Variants in BTN3A3 observed in about 807,000 individuals in gnomAD.
BTN3A3 encodes butyrophilin 3.
BTN3A3 carries 39 observed loss-of-function variants against 43.2 expected under a neutral mutation model. That is an observed-to-expected ratio of 0.90 (90% CI 0.70 to 1.18). BTN3A3 has a LOEUF of 1.18. BTN3A3 is among the 50% of genes most tolerant of loss of function. The pLI is 0.00. For missense variants in BTN3A3, 631 were observed against 722.8 expected (o/e 0.87, Z 1.46); for synonymous variants, 255 against 272.7 (o/e 0.93, Z 0.64).
chr6:26,448,538 AGTTTAAG>A, intron 6 of BTN3A3, 72 bp from the exon 7 acceptor site: 1 of 1,611,386 alleles, frequency 6.2e-7, no homozygotes, highest in Non-Finnish European at 8.5e-7. Flanking sequence ...CACTGCATCA[AGTTTAAG>A]GTTTATTTTC....
chr6:26,444,151 C>T lies in BTN3A3; in HGVS notation c.280C>T (p.Arg94Ter), dbSNP rs376234984. 27 of 1,612,166 alleles carry T rather than the reference C, an allele frequency of 1.7e-5. No homozygotes were observed. Among genetic ancestry groups the T allele is most frequent in the African/African-American group, 1.6e-4 (12 of 74,840 alleles). The change falls in exon 4 of 11, where the codon CGA (arginine) becomes TGA (stop). Residue 94 changes from arginine (R) to a stop codon, truncating the protein, a stop_gained. Coordinates refer to ENST00000244519, the MANE Select transcript of BTN3A3 (RefSeq NM_006994.5). LOFTEE classifies it high-confidence loss of function. ...EVEDRQSAPY[R>*]GRTSILRDGI... ...GGAAGACAGGCAGAGTGCACCGTAT[C>T]GAGGGAGAACTTCGATTCTGCGGGA...
rs182718090 is a variant in BTN3A3, at chr6:26,442,063, G to A, written c.-66-1319G>A. Among the ~76,000 whole-genome samples the A allele has an allele frequency of 1.2e-3, 188 of 152,300 alleles. 1 individual carries two copies. Among genetic ancestry groups the A allele is most frequent in the Middle Eastern group, 3.4e-3 (1 of 294 alleles). ...GTCTGGGTCAGTGCAAGATCCAGGC[G>A]AGGGTGGAGGATGGCCGGCTGCACA... is the stretch of plus-strand genomic sequence containing the variant. On this transcript the variant is annotated intron_variant, in intron 1 of 10. Coordinates refer to ENST00000244519, the MANE Select transcript of BTN3A3 (RefSeq NM_006994.5).
In BTN3A3 at chr6:26,448,232, G is replaced by A. The variant is rs1424619730; in HGVS notation, c.716-16G>A. ...AGTGCACTAGCTCCCATGACCCACAGCTCTCCCCTTCGCAGACCCCTTCTT... is the reference window on the plus strand; with the variant it reads ...AGTGCACTAGCTCCCATGACCCACAACTCTCCCCTTCGCAGACCCCTTCTT... On this transcript the variant is annotated splice_polypyrimidine_tract_variant and intron_variant, in intron 5 of 10. Coordinates refer to ENST00000244519, the MANE Select transcript of BTN3A3 (RefSeq NM_006994.5). 6.2e-7 allele frequency: 1 copy of A among 1,612,186 alleles called. No individual in the cohort carries two copies. Among genetic ancestry groups the A allele is most frequent in the African/African-American group, 1.3e-5 (1 of 74,904 alleles).
Position 26,448,651 on chromosome 6 carries a change from C to T in BTN3A3, c.937+14C>T, listed in dbSNP as rs372791797. 1.0e-4 allele frequency: 169 copies of T among 1,613,854 alleles called. No homozygotes were observed. The highest frequency in any genetic ancestry group is 1.4e-4 in the Non-Finnish European group (164 of 1,179,996). ...AGGAGGAACTCAGTAAGTTCCCATT[C>T]CCCAGGAGACCCAGGCATGTCTTCT... On this transcript the variant is annotated intron_variant, in intron 7 of 10. Transcript: ENST00000244519.
chr6:26,448,411 G>T lies in BTN3A3; in HGVS notation c.879G>T (p.Met293Ile), dbSNP rs990543562. The change falls in exon 6 of 11, where the codon ATG becomes ATT. Residue 293 changes from methionine to isoleucine, a missense_variant. This residue lies in a region of BTN3A3 where 551 missense variants were observed against 584.0 expected (regional missense o/e 0.94). Coordinates refer to ENST00000244519, the MANE Select transcript of BTN3A3 (RefSeq NM_006994.5). Reference sequence around the variant, plus strand: ...AAAGAGAGCGAGAGATGAAAGAAATGGGATACGCTGCAACAGAGCAAGAAA... The same window carrying T: ...AAAGAGAGCGAGAGATGAAAGAAATTGGATACGCTGCAACAGAGCAAGAAA... ...ETEREREMKE[M>I]GYAATEQEIS... 3 of 1,613,736 alleles carry T rather than the reference G, an allele frequency of 1.9e-6. No individual in the cohort carries two copies. The highest frequency in any genetic ancestry group is 1.7e-6 in the Non-Finnish European group (2 of 1,179,978).
At chr6:26,446,687 G>C (rs892994902) in intron 5 of BTN3A3, among the ~76,000 whole-genome samples, 5 of 152,170 alleles carry the variant, frequency 3.3e-5, no homozygotes, top group Non-Finnish European at 5.9e-5. Context: ...GCATTTGTAT[G>C]AGATGATCCA....
At position 26,448,231 on chromosome 6, in the gene BTN3A3, A is replaced by T. The variant is rs764039554; in HGVS notation, c.716-17A>T. On this transcript the variant is annotated splice_polypyrimidine_tract_variant and intron_variant, in intron 5 of 10. Coordinates refer to ENST00000244519, the MANE Select transcript of BTN3A3 (RefSeq NM_006994.5). ...GAGTGCACTAGCTCCCATGACCCACAGCTCTCCCCTTCGCAGACCCCTTCT... is the reference window on the plus strand; with the variant it reads ...GAGTGCACTAGCTCCCATGACCCACTGCTCTCCCCTTCGCAGACCCCTTCT... 24 of 1,611,424 alleles carry T rather than the reference A, an allele frequency of 1.5e-5. No homozygotes were observed. In the East Asian group the frequency reaches 5.1e-4, roughly 34 times the overall value.
chr6:26,446,896 T>C (rs1418929906), intron 5 of BTN3A3, among the ~76,000 whole-genome samples: 1 of 152,062 alleles, frequency 6.6e-6, no homozygotes, highest in African/African-American at 2.4e-5. Flanking sequence ...ACCTGGATAA[T>C]TTTTATATTT....
At position 26,452,471 on chromosome 6, in the gene BTN3A3, C is replaced by A; in HGVS notation, c.*60C>A. Reference sequence around the variant, plus strand: ...GAGTTTCGTACCACCTTATTGTCCCCTTATACAGATAAGGAAACTGGGGTG... The same window carrying A: ...GAGTTTCGTACCACCTTATTGTCCCATTATACAGATAAGGAAACTGGGGTG... On this transcript the variant is annotated 3_prime_UTR_variant, in exon 11 of 11. Transcript: ENST00000244519. 1.4e-6 allele frequency: 2 copies of A among 1,413,066 alleles called. No individual in the cohort carries two copies. Among genetic ancestry groups the A allele is most frequent in the South Asian group, 1.4e-5 (1 of 70,316 alleles). The allele number at this position is 1,413,066 out of a possible 1,614,324, so 87.5% of individuals were successfully genotyped here. A position where few individuals can be genotyped will look rare whatever the true frequency, so the allele number is the denominator to read the frequency against.
chr6:26,449,770 C>T (rs146611609), intron 9 of BTN3A3, 82 bp downstream of exon 9: 60 of 1,532,302 alleles, frequency 3.9e-5, no homozygotes, highest in Admixed American at 1.5e-4. Flanking sequence ...GACCCATTGA[C>T]GTTCTCAGTT....
chr6:26,441,250 A>G (rs1762627736), intron 1 of BTN3A3, among the ~76,000 whole-genome samples: 1 of 152,198 alleles, frequency 6.6e-6, no homozygotes, highest in South Asian at 2.1e-4. Flanking sequence ...TTTTAACAGC[A>G]TTAGATCCAT....
rs1208409465 is a variant in BTN3A3 at position 26,440,566 on chromosome 6, G to A, written c.-149G>A. 1.3e-5 allele frequency: 2 copies of A among 152,202 alleles called. No individual in the cohort carries two copies. The highest frequency in any genetic ancestry group is 1.3e-4 in the Admixed American group (2 of 15,282). 9.4% of individuals were successfully genotyped at this position (152,202 alleles called of 1,614,324 possible). On this transcript the variant is annotated 5_prime_UTR_variant, in exon 1 of 11. Transcript: ENST00000244519. ...TCTTTTTCCTTTCTTCGGAATGAGA[G>A]ACTCAACCATAATAGAAAGAATGGA...
At chr6:26,447,583 G>A (rs1036473538) in intron 5 of BTN3A3, among the ~76,000 whole-genome samples, 1 of 152,090 alleles carries the variant, frequency 6.6e-6, no homozygotes, top group Non-Finnish European at 1.5e-5. Flanking sequence ...AGCTGGTCTC[G>A]ACCTCCTGAC....
At position 26,452,376 on chromosome 6, in the gene BTN3A3, C is replaced by A. The variant is rs556404565; in HGVS notation, c.1720C>A (p.His574Asn). 2.5e-6 allele frequency: 4 copies of A among 1,606,864 alleles called. No individual in the cohort carries two copies. Among genetic ancestry groups the A allele is most frequent in the Non-Finnish European group, 3.4e-6 (4 of 1,179,888 alleles). The part of the protein sequence containing the change: ...VSPSATTNQN[H>N]KLQARTEALY ...CCCTTCTGCAACAACCAATCAGAAC[C>A]ATAAGCTACAGGCACGCACTGAAGC... Residue 574 changes from histidine to asparagine, a missense_variant, in exon 11 of 11, where the codon CAT becomes AAT. Coordinates refer to ENST00000244519, the MANE Select transcript of BTN3A3 (RefSeq NM_006994.5).
chr6:26,451,972 G>C lies in BTN3A3; in HGVS notation c.1316G>C (p.Gly439Ala). 6.2e-7 allele frequency: 1 copy of C among 1,614,106 alleles called. No homozygotes were observed. Among genetic ancestry groups the C allele is most frequent in the Non-Finnish European group, 8.5e-7 (1 of 1,180,012 alleles). Residue 439 changes from glycine (G) to alanine (A), a missense_variant, in exon 11 of 11, where the codon GGG becomes GCG. Gly to Ala is a moderately conservative substitution (Grantham distance 60). Coordinates refer to ENST00000244519, the MANE Select transcript of BTN3A3 (RefSeq NM_006994.5). ...NGYWTMGLTDGNKYRALTEPR... is the reference protein window; with the variant it reads ...NGYWTMGLTDANKYRALTEPR... ...TACTGGACTATGGGCCTGACTGATG[G>C]GAATAAGTATCGGGCTCTCACTGAG...
rs41266843 is a variant in BTN3A3, at chr6:26,448,250, C to T, written c.718C>T (p.Pro240Ser). Residue 240 changes from proline (P) to serine (S), a missense_variant and splice_region_variant, in exon 6 of 11, where the codon CCC becomes TCC. By Grantham distance (74) the Pro-to-Ser change is moderately conservative. Around this residue, in one of 2 missense-constraint regions of BTN3A3, gnomAD observed 551 missense variants for 584.0 expected, o/e 0.94. Coordinates refer to ENST00000244519, the MANE Select transcript of BTN3A3 (RefSeq NM_006994.5). ...EKTASISIAD[P>S]FFRSAQPWIA... is the part of the protein sequence containing the mutation. ...ACCCACAGCTCTCCCCTTCGCAGAC[C>T]CCTTCTTCAGGAGCGCCCAGCCCTG... is the stretch of plus-strand genomic sequence containing the variant. 4.3e-6 allele frequency: 7 copies of T among 1,613,144 alleles called. No homozygotes were observed. The highest frequency in any genetic ancestry group is 5.9e-6 in the Non-Finnish European group (7 of 1,179,864).
At chr6:26,450,370 A>G in intron 10 of BTN3A3, among the ~76,000 whole-genome samples, 1 of 152,122 alleles carries the variant, frequency 6.6e-6, no homozygotes, top group East Asian at 1.9e-4. Flanking sequence ...CTGGGAAGGA[A>G]GACACATAAA....
chr6:26,448,685 C>G (rs750756961), intron 7 of BTN3A3, 43 bp from the exon 8 acceptor site: 2 of 1,613,944 alleles, frequency 1.2e-6, no homozygotes, highest in East Asian at 4.5e-5. Context: ...CTTATCCCCA[C>G]TTTGAGCACC....
chr6:26,445,878 C>T lies in BTN3A3; in HGVS notation c.608C>T (p.Ala203Val), dbSNP rs1762764458. The T allele has an allele frequency of 1.9e-6, 3 of 1,614,050 alleles. No homozygotes were observed. The Admixed American group carries it at 5.0e-5, about 27-fold the overall frequency. ...GTTGCAGATGGAGTGGGCCTGTATGCAGTAGCAGCATCTGTGATCATGAGA... is the reference window on the plus strand; with the variant it reads ...GTTGCAGATGGAGTGGGCCTGTATGTAGTAGCAGCATCTGTGATCATGAGA... ...PVVADGVGLY[A>V]VAASVIMRGS... is the part of the protein sequence containing the mutation. The change falls in exon 5 of 11, where the codon GCA (alanine) becomes GTA (valine). Residue 203 changes from alanine to valine, a missense_variant. Coordinates refer to ENST00000244519, the MANE Select transcript of BTN3A3 (RefSeq NM_006994.5).
Sources: allele counts gnomAD v4.1 joint callset (sites outside exome capture counted in the v4.1 genomes callset), GRCh38; gene constraint gnomAD v4.1.1; regional missense constraint gnomAD v4.1.1; transcripts MANE v1.5; gene names NCBI Gene and HGNC (gene_info 2026-07-23, HGNC 2026-07-21).